Variants in REL observed in about 807,000 individuals in gnomAD.
The protein encoded by REL is proto-oncogene c-Rel.
A neutral mutation model predicts 45.9 loss-of-function variants in REL; 15 were observed. The ratio of observed to expected loss-of-function variants is 0.33; its 90% CI spans 0.22 to 0.50. REL has a LOEUF of 0.50. Among genes scored for constraint, REL ranks in the 20% least tolerant of loss-of-function variants. REL has a pLI of 0.98. For synonymous variants in REL, 239 were observed against 242.1 expected (o/e 0.99, Z 0.12); for missense variants, 601 against 715.2 (o/e 0.84, Z 1.82).
At position 60,921,766 on chromosome 2, in the gene REL, C is replaced by T. The variant is rs753140617; in HGVS notation, c.995C>T (p.Pro332Leu). The T allele has an allele frequency of 2.2e-5, 35 of 1,588,064 alleles. No homozygotes were observed. Among genetic ancestry groups the T allele is most frequent in the Admixed American group, 7.0e-5 (4 of 57,152 alleles). Residue 332 changes from proline to leucine, a missense_variant, in exon 10 of 10, where the codon CCA becomes CTA. By Grantham distance (98) the Pro-to-Leu change is moderately conservative. This residue lies in a region of REL where 334 missense variants were observed against 333.1 expected (regional missense o/e 1.00). Coordinates refer to ENST00000394479, the MANE Select transcript of REL (RefSeq NM_001291746.2). ...AAATAAATTTTTCCTCCCACAGAACCAAACTTGTTTTCTCATGATGCAGTT... is the reference window on the plus strand; with the variant it reads ...AAATAAATTTTTCCTCCCACAGAACTAAACTTGTTTTCTCATGATGCAGTT... ...IGEGRYFKKE[P>L]NLFSHDAVVR...
At chr2:60,892,519 C>A (rs760737939) in intron 2 of REL, among the ~76,000 whole-genome samples, 4 of 152,034 alleles carry the variant, frequency 2.6e-5, no homozygotes, top group Non-Finnish European at 5.9e-5. Context: ...ACCTCCGCCT[C>A]CTGGGTTCAA....
intron 8 of REL, 37 bp from the exon 9 acceptor site, chr2:60,920,537 A>G: frequency 1.4e-6 from 2 of 1,446,294 alleles, no homozygotes; most frequent in African/African-American, 1.4e-5. Context: ...TTATTTTTCA[A>G]ATGACATTTA....
chr2:60,906,620 C>G (rs1195132178), intron 4 of REL, among the ~76,000 whole-genome samples: 1 of 152,048 alleles, frequency 6.6e-6, no homozygotes, highest in Non-Finnish European at 1.5e-5. Flanking sequence ...CACACATGCA[C>G]TTACTTGTTT....
chr2:60,916,442 G>T (rs920992362), intron 4 of REL, among the ~76,000 whole-genome samples: 1 of 152,124 alleles, frequency 6.6e-6, no homozygotes, highest in Admixed American at 6.5e-5. Context: ...TCAGTTCCTC[G>T]TTTGTAAAAT....
intron 4 of REL, among the ~76,000 whole-genome samples, chr2:60,910,692 G>T (rs931651608): frequency 2.0e-5 from 3 of 152,088 alleles, no homozygotes; most frequent in African/African-American, 7.2e-5. Flanking sequence ...CCAACACTGG[G>T]GGCCCAAGGT....
intron 1 of REL, among the ~76,000 whole-genome samples, chr2:60,887,076 T>A (rs1673089705): frequency 6.6e-6 from 1 of 152,220 alleles, no homozygotes; most frequent in Non-Finnish European, 1.5e-5. Flanking sequence ...AATTTCCTGA[T>A]TTATGTTTTA....
chr2:60,888,897 T>C (rs1250484538), intron 1 of REL, among the ~76,000 whole-genome samples: 2 of 152,224 alleles, frequency 1.3e-5, no homozygotes, highest in Admixed American at 6.5e-5. Context: ...CACTGCCATA[T>C]ATCAGAGATA....
At chr2:60,898,286 G>A (rs1673407073) in intron 3 of REL, among the ~76,000 whole-genome samples, 1 of 152,120 alleles carries the variant, frequency 6.6e-6, no homozygotes, top group South Asian at 2.1e-4. Context: ...GGTTTATTTG[G>A]CTCTTGGAAT....
chr2:60,890,601 G>A (rs1673184734), intron 1 of REL, among the ~76,000 whole-genome samples: 1 of 152,120 alleles, frequency 6.6e-6, no homozygotes, highest in African/African-American at 2.4e-5. Context: ...TGCAAGTACA[G>A]TTGAGTGTCT....
At chr2:60,882,831 G>C (rs1225500419) in intron 1 of REL, among the ~76,000 whole-genome samples, 1 of 152,182 alleles carries the variant, frequency 6.6e-6, no homozygotes. Context: ...GAGTAGGAAT[G>C]AATACAACTT....
In REL at chr2:60,917,665, CT is replaced by C. The variant is rs554350936; in HGVS notation, c.536-523del. On this transcript the variant is annotated intron_variant, in intron 5 of 9. Transcript: ENST00000394479. ...TATCTCATTTTGAAAGATTATGAAA[CT>C]TTCCCCCAAAATACTGTGTGTGTGT... Among the ~76,000 whole-genome samples, 37 of 146,390 alleles carry C rather than the reference CT, an allele frequency of 2.5e-4. No individual in the cohort carries two copies. In the East Asian group the frequency reaches 6.9e-3, roughly 27 times the overall value.
chr2:60,885,836 A>G (rs992571173), intron 1 of REL, among the ~76,000 whole-genome samples: 12 of 152,180 alleles, frequency 7.9e-5, no homozygotes, highest in Admixed American at 3.3e-4. Flanking sequence ...TGGTGTGACA[A>G]TCATTTGTGT....
intron 1 of REL, 134 bp downstream of exon 1, chr2:60,881,984 G>C (rs1423336720): frequency 3.4e-6 from 2 of 587,530 alleles, no homozygotes; most frequent in Non-Finnish European, 2.7e-6. Flanking sequence ...TGGTAAAATT[G>C]TCAGCTTTTA....
chr2:60,909,235 A>G (rs951811280), intron 4 of REL, among the ~76,000 whole-genome samples: 2 of 152,220 alleles, frequency 1.3e-5, no homozygotes, highest in Non-Finnish European at 2.9e-5. Context: ...ATGGTAGCAC[A>G]TAATAGATAC....
chr2:60,922,694 G>C lies in REL; in HGVS notation c.*159G>C. 7.8e-7 allele frequency: 1 copy of C among 1,284,188 alleles called. No homozygotes were observed. Among genetic ancestry groups the C allele is most frequent in the Admixed American group, 3.7e-5 (1 of 26,682 alleles). The allele number at this position is 1,284,188 out of a possible 1,614,324, so 79.5% of individuals were successfully genotyped here. On this transcript the variant is annotated 3_prime_UTR_variant, in exon 10 of 10. Coordinates refer to ENST00000394479, the MANE Select transcript of REL (RefSeq NM_001291746.2). ...TGAGAATATAAAAAACTTTTTTCAG[G>C]GAAGAAGCATACAACTTTGGACATA...
intron 3 of REL, chr2:60,900,707 G>C (rs1673470444): frequency 3.5e-6 from 1 of 287,542 alleles, no homozygotes; most frequent in Non-Finnish European, 6.5e-6. Flanking sequence ...ATTTTTAGTA[G>C]AGACGGGGTT....
intron 3 of REL, among the ~76,000 whole-genome samples, chr2:60,897,296 CT>C (rs1673373983): frequency 6.8e-6 from 1 of 146,168 alleles, no homozygotes; most frequent in African/African-American, 2.5e-5. Flanking sequence ...TTGTGCTTTT[CT>C]TTTTTCTTTT....
intron 7 of REL, among the ~76,000 whole-genome samples, chr2:60,919,606 G>A (rs528928824): frequency 2.6e-5 from 4 of 152,002 alleles, no homozygotes; most frequent in South Asian, 4.2e-4. Flanking sequence ...TGTATTTTTA[G>A]TAGAGATGGG....
At position 60,920,266 on chromosome 2, in the gene REL, A is replaced by G. The variant is rs144022886; in HGVS notation, c.922+157A>G. 699 of 645,938 alleles carry G rather than the reference A, an allele frequency of 1.1e-3. 8 individuals carry two copies. The African/African-American group carries it at 0.011, about 10-fold the overall frequency. 40.0% of individuals were successfully genotyped at this position (645,938 alleles called of 1,614,324 possible). A position where few individuals can be genotyped will look rare whatever the true frequency, so the allele number is the denominator to read the frequency against. On this transcript the variant is annotated intron_variant, in intron 8 of 9. Transcript: ENST00000394479. ...ACCCAGGCTGGAGTGCAGTAGGGCA[A>G]TCTCAACTCACTGCAACCTCTGCCC...
Sources: gnomAD v4.1 joint callset for allele counts (sites outside exome capture counted in the v4.1 genomes callset) on GRCh38, gnomAD v4.1.1 for gene constraint, gnomAD v4.1.1 regional missense constraint, MANE v1.5 for transcripts, NCBI Gene and HGNC (gene_info 2026-07-23, HGNC 2026-07-21) for gene names.